PCDH15: variants seen among roughly 807,000 people sequenced by gnomAD.
PCDH15 encodes protocadherin related 15.
PCDH15 carries 129 observed loss-of-function variants against 178.5 expected under a neutral mutation model. That is an observed-to-expected ratio of 0.72 (90% CI 0.63 to 0.84). The LOEUF is 0.84. PCDH15 is among the 40% of genes least tolerant of loss of function. The pLI is 0.00. For missense variants in PCDH15, 2,230 were observed against 2,099.9 expected, an observed-to-expected ratio of 1.06 and a Z score of -1.21; for synonymous variants, 800 against 732.0, an observed-to-expected ratio of 1.09 and a Z score of -1.50.
At chr10:54,420,276 C>G (rs1178003221) in intron 3 of PCDH15, among the ~76,000 whole-genome samples, 1 of 152,010 alleles carries the variant, frequency 6.6e-6, no homozygotes, top group Non-Finnish European at 1.5e-5. Context: ...GCAGCCTTGT[C>G]TTGTGGAGCT....
In PCDH15 at chr10:53,822,310, G is replaced by A. The variant is rs750061228; in HGVS notation, c.4368-2080C>T. The A allele has an allele frequency of 6.8e-6, 11 of 1,610,258 alleles. No homozygotes were observed. Among genetic ancestry groups the A allele is most frequent in the African/African-American group, 6.7e-5 (5 of 74,774 alleles). On this transcript the variant is annotated intron_variant, in intron 32 of 37. Coordinates refer to ENST00000644397, the MANE Select transcript of PCDH15 (RefSeq NM_001384140.1). ...AATGGAGGTAGAAGAGGTGGTGTTG[G>A]GGGACCAGACGTTGAAACGGAAAGT...
intron 34 of PCDH15, 24 bp downstream of exon 34, chr10:53,817,971 A>C: frequency 2.5e-6 from 1 of 398,744 alleles, no homozygotes; most frequent in Non-Finnish European, 4.4e-6. Context: ...GCTTGTTACG[A>C]CATCAACACC....
intron 5 of PCDH15, among the ~76,000 whole-genome samples, chr10:54,347,640 G>A (rs1362904783): frequency 6.6e-6 from 1 of 151,944 alleles, no homozygotes. Flanking sequence ...TAATGTAAAT[G>A]AGTGAAGCAA....
At chr10:55,419,466 ATTGT>A (rs1018283822) in intron 2 of PCDH15, among the ~76,000 whole-genome samples, 4 of 151,844 alleles carry the variant, frequency 2.6e-5, no homozygotes, top group African/African-American at 9.6e-5. Context: ...CTGAGGAGAG[ATTGT>A]TTGTATTTCT....
chr10:54,423,852 C>A (rs1216357202), intron 3 of PCDH15, among the ~76,000 whole-genome samples: 2 of 151,810 alleles, frequency 1.3e-5, no homozygotes, highest in Non-Finnish European at 2.9e-5. Context: ...ACACCTTATA[C>A]AAAAATTAAT....
chr10:54,673,425 A>G (rs1160827742), intron 1 of PCDH15, among the ~76,000 whole-genome samples: 2 of 152,076 alleles, frequency 1.3e-5, no homozygotes, highest in Admixed American at 6.6e-5. Context: ...AGAAGGAAAC[A>G]TATAACTTTT....
intron 1 of PCDH15, among the ~76,000 whole-genome samples, chr10:54,796,238 C>G (rs886491985): frequency 2.1e-5 from 2 of 94,838 alleles, no homozygotes; most frequent in African/African-American, 4.9e-5. Context: ...ATCTATCTAT[C>G]TATCTATCTA....
At chr10:54,581,500 C>T (rs1232801285) in intron 2 of PCDH15, among the ~76,000 whole-genome samples, 1 of 152,050 alleles carries the variant, frequency 6.6e-6, no homozygotes, top group Non-Finnish European at 1.5e-5. Context: ...CATGGTCATA[C>T]TGCCCAAAGC....
chr10:54,923,247 C>A (rs1272095022), intron 2 of PCDH15, among the ~76,000 whole-genome samples: 2 of 138,320 alleles, frequency 1.4e-5, no homozygotes, highest in African/African-American at 5.0e-5. Context: ...CAGTGCAGAG[C>A]AAAGGGTCCC....
At chr10:54,853,289 G>GTGTATATATATATA (rs1249570811) in intron 3 of PCDH15, among the ~76,000 whole-genome samples, 6 of 102,576 alleles carry the variant, frequency 5.8e-5, no homozygotes, top group Admixed American at 2.2e-4. Flanking sequence ...ATGTATGTGT[G>GTGTATATATATATA]TATATATATA....
At chr10:53,911,983 G>A (rs2926398) in intron 25 of PCDH15, among the ~76,000 whole-genome samples, 108,897 of 151,906 alleles carry the variant, frequency 0.72, 39,404 homozygotes, top group East Asian at 1. Flanking sequence ...GCCTGGCAGA[G>A]ACACAACAAA....
intron 20 of PCDH15, among the ~76,000 whole-genome samples, chr10:54,004,206 C>A (rs1418396490): frequency 2.0e-5 from 3 of 152,024 alleles, no homozygotes; most frequent in Non-Finnish European, 4.4e-5. Context: ...AACTGAAAGC[C>A]TTTCCTGTAC....
intron 25 of PCDH15, among the ~76,000 whole-genome samples, chr10:53,929,942 T>C (rs2084899422): frequency 6.6e-6 from 1 of 152,198 alleles, no homozygotes; most frequent in African/African-American, 2.4e-5. Context: ...TAAACTTGCA[T>C]GTTACTGCTT....
chr10:54,324,439 G>T (rs1459448851), intron 7 of PCDH15, among the ~76,000 whole-genome samples: 1 of 151,978 alleles, frequency 6.6e-6, no homozygotes, highest in East Asian at 1.9e-4. Context: ...AAATAATTTA[G>T]AAATTATAAA....
At position 54,613,664 on chromosome 10, in the gene PCDH15, T is replaced by G. The variant is rs184187387; in HGVS notation, c.91+50508A>C. 1.9e-4 allele frequency among the ~76,000 whole-genome samples: 29 copies of G among 151,650 alleles called. No homozygotes were observed. The East Asian group carries it at 4.9e-3, about 25-fold the overall frequency. On this transcript the variant is annotated intron_variant, in intron 2 of 37. Transcript: ENST00000644397. ...ACAATCTGAAGACAATTAAGCAAAT[T>G]CAGAATAATTTTAACATTTCAGCAG...
chr10:55,138,872 T>G (rs532540828), intron 2 of PCDH15, among the ~76,000 whole-genome samples: 2 of 152,260 alleles, frequency 1.3e-5, no homozygotes, highest in Admixed American at 6.5e-5. Context: ...TTACACAGTA[T>G]GTCCCTTTGT....
intron 2 of PCDH15, among the ~76,000 whole-genome samples, chr10:54,566,084 C>A (rs2088987719): frequency 6.6e-6 from 1 of 151,992 alleles, no homozygotes; most frequent in South Asian, 2.1e-4. Context: ...AATTTCATCT[C>A]AATAAATAAA....
At chr10:55,342,692 G>A (rs560448223) in intron 2 of PCDH15, among the ~76,000 whole-genome samples, 7 of 152,022 alleles carry the variant, frequency 4.6e-5, no homozygotes, top group Admixed American at 6.6e-5. Context: ...CCTCTCTCCT[G>A]GTCTTAAAAT....
At chr10:54,551,141 T>A (rs532090831) in intron 2 of PCDH15, among the ~76,000 whole-genome samples, 4 of 107,436 alleles carry the variant, frequency 3.7e-5, no homozygotes, top group Admixed American at 2.9e-4. Flanking sequence ...GGCTACAGGC[T>A]GAGACTCTGT....
Sources: gnomAD v4.1 joint callset for allele counts (sites outside exome capture counted in the v4.1 genomes callset) on GRCh38, gnomAD v4.1.1 for gene constraint, MANE v1.5 for transcripts, NCBI Gene and HGNC (gene_info 2026-07-23, HGNC 2026-07-21) for gene names.